The following LRCH2 variants were observed in gnomAD, a reference collection of about 807,000 sequenced individuals.
The protein encoded by LRCH2 is leucine-rich repeat and calponin homology domain-containing protein 2.
In LRCH2, 38 loss-of-function variants were observed where a neutral mutation model predicts 68.9. The observed-to-expected ratio is 0.55, with a 90% CI of 0.43 to 0.72. The LOEUF is 0.72. LRCH2 is among the 30% of genes least tolerant of loss of function. The pLI is 0.00. For missense variants in LRCH2, 528 were observed against 572.9 expected (o/e 0.92, Z 0.80); for synonymous variants, 191 against 208.1 (o/e 0.92, Z 0.71).
intron 5 of LRCH2, among the ~76,000 whole-genome samples, chrX:115,174,422 C>CT (rs1253334781): frequency 3.2e-4 from 33 of 104,424 alleles, no homozygotes; most frequent in Non-Finnish European, 3.4e-4. Context: ...AGGAGTTCAA[C>CT]TTTTTTTTTT....
chrX:115,201,671 C>T (rs939880023), intron 1 of LRCH2, among the ~76,000 whole-genome samples: 18 of 111,444 alleles, frequency 1.6e-4, no homozygotes, highest in Non-Finnish European at 3.4e-4. Flanking sequence ...CCAGAGCAAT[C>T]GGGCAAGAGA....
At chrX:115,132,751 C>T (rs1156385150) in intron 14 of LRCH2, among the ~76,000 whole-genome samples, 2 of 111,495 alleles carry the variant, frequency 1.8e-5, no homozygotes, top group African/African-American at 6.5e-5. Context: ...GTGAAAAAAT[C>T]CTATTTATCA....
intron 5 of LRCH2, among the ~76,000 whole-genome samples, chrX:115,178,269 G>A (rs1406781633): frequency 7.2e-5 from 8 of 111,794 alleles, no homozygotes; most frequent in African/African-American, 2.6e-4. Flanking sequence ...TCTTAGAGCC[G>A]TGGTGTTTAA....
At chrX:115,124,522 T>C (rs1422306332) in intron 16 of LRCH2, among the ~76,000 whole-genome samples, 1 of 112,344 alleles carries the variant, frequency 8.9e-6, no homozygotes, top group Non-Finnish European at 1.9e-5. Flanking sequence ...GAAAGATTTG[T>C]AGTACATTAA....
intron 11 of LRCH2, among the ~76,000 whole-genome samples, chrX:115,163,249 T>C (rs1488294413): frequency 2.7e-5 from 3 of 111,431 alleles, no homozygotes; most frequent in Non-Finnish European, 3.8e-5. Context: ...ATTCATGACA[T>C]GTACCTAGAA....
At chrX:115,205,229 T>A (rs1267491418) in intron 1 of LRCH2, among the ~76,000 whole-genome samples, 2 of 111,655 alleles carry the variant, frequency 1.8e-5, no homozygotes, top group African/African-American at 6.5e-5. Context: ...TCCTACCAGG[T>A]CCCTCCCCTG....
chrX:115,113,587 A>C (rs1460563553), intron 20 of LRCH2, among the ~76,000 whole-genome samples: 7 of 111,294 alleles, frequency 6.3e-5, no homozygotes, highest in African/African-American at 2.3e-4. Context: ...TACAAAGAAA[A>C]TGTTTATAAA....
At chrX:115,232,089 T>C (rs1201976708) in intron 1 of LRCH2, among the ~76,000 whole-genome samples, 3 of 110,105 alleles carry the variant, frequency 2.7e-5, no homozygotes, top group African/African-American at 9.9e-5. Flanking sequence ...AGACAGAGAG[T>C]TGACCTAGTT....
chrX:115,167,125 T>C (rs1284870688), intron 6 of LRCH2, among the ~76,000 whole-genome samples: 2 of 87,273 alleles, frequency 2.3e-5, no homozygotes, highest in Non-Finnish European at 4.2e-5. Flanking sequence ...CCCTCAATTA[T>C]CTAGCACCAA....
intron 1 of LRCH2, among the ~76,000 whole-genome samples, chrX:115,209,046 T>C (rs2072988528): frequency 8.9e-6 from 1 of 112,335 alleles, no homozygotes; most frequent in Non-Finnish European, 1.9e-5. Flanking sequence ...CATAGAATTG[T>C]CTGCTTGAAG....
intron 20 of LRCH2, among the ~76,000 whole-genome samples, chrX:115,115,441 T>C (rs1223527527): frequency 1.8e-5 from 2 of 110,582 alleles, no homozygotes; most frequent in African/African-American, 3.3e-5. Flanking sequence ...GACAGACAAT[T>C]CAATGGGGAA....
chrX:115,134,642 AT>A (rs782102522), intron 14 of LRCH2, among the ~76,000 whole-genome samples: 2 of 112,155 alleles, frequency 1.8e-5, no homozygotes, highest in South Asian at 7.5e-4. Flanking sequence ...TTTACTGAAT[AT>A]GTTAAGCCCA....
chrX:115,127,374 C>T (rs1468430812), intron 15 of LRCH2, among the ~76,000 whole-genome samples: 2 of 111,764 alleles, frequency 1.8e-5, no homozygotes, highest in Non-Finnish European at 3.8e-5. Flanking sequence ...GACTATTCTA[C>T]TGCCAACCAA....
chrX:115,174,748 C>T (rs189582179), intron 5 of LRCH2, among the ~76,000 whole-genome samples: 5 of 110,981 alleles, frequency 4.5e-5, no homozygotes, highest in South Asian at 7.7e-4. Context: ...TCATTTCCTT[C>T]GGATATTGTA....
At chrX:115,150,480 A>G (rs1224251122) in intron 12 of LRCH2, among the ~76,000 whole-genome samples, 1 of 111,408 alleles carries the variant, frequency 9.0e-6, no homozygotes, top group Non-Finnish European at 1.9e-5. Context: ...TTGCCTACTG[A>G]ATTACTGATT....
chrX:115,189,378 G>A, intron 1 of LRCH2: 1 of 1,108,101 alleles, frequency 9.0e-7, no homozygotes, highest in Non-Finnish European at 1.2e-6. Context: ...GCGCTCGAAG[G>A]CCGCGACTGA....
intron 1 of LRCH2, among the ~76,000 whole-genome samples, chrX:115,202,507 A>G (rs1163252057): frequency 1.8e-5 from 2 of 112,116 alleles, no homozygotes; most frequent in African/African-American, 6.5e-5. Flanking sequence ...GTATGCCATA[A>G]ATTATATAAA....
intron 20 of LRCH2, among the ~76,000 whole-genome samples, chrX:115,121,219 A>G (rs2072139110): frequency 9.0e-6 from 1 of 111,254 alleles, no homozygotes; most frequent in South Asian, 3.7e-4. Flanking sequence ...TTTTAATTTT[A>G]AAAAAGAAAA....
At chrX:115,148,687 G>A (rs1167301314) in intron 14 of LRCH2, among the ~76,000 whole-genome samples, 2 of 111,555 alleles carry the variant, frequency 1.8e-5, no homozygotes, top group East Asian at 5.6e-4. Context: ...AAAGGGTTAG[G>A]ATAAATAAAC....
Sources: allele counts gnomAD v4.1 joint callset (sites outside exome capture counted in the v4.1 genomes callset), GRCh38; gene constraint gnomAD v4.1.1; transcripts MANE v1.5; gene names NCBI Gene and HGNC (gene_info 2026-07-23, HGNC 2026-07-21).